Variants in ETNPPL observed in about 807,000 individuals in gnomAD.
ETNPPL encodes alanine--glyoxylate aminotransferase 2-like 1.
ETNPPL carries 30 observed loss-of-function variants against 55.5 expected under a neutral mutation model. The ratio of observed to expected loss-of-function variants is 0.54; its 90% confidence interval spans 0.40 to 0.73. The LOEUF is 0.73. Ranked by LOEUF, ETNPPL falls within the 30% of genes least tolerant of loss-of-function variation. The pLI, the probability that ETNPPL is intolerant of heterozygous loss-of-function variation, is 0.00. For synonymous variants in ETNPPL, 202 were observed against 207.2 expected (o/e 0.98, Z 0.21); for missense variants, 528 against 607.9 (o/e 0.87, Z 1.38).
rs780635050 is a variant in ETNPPL at position 108,742,417 on chromosome 4, C to T, written c.*67G>A. On this transcript the variant is annotated 3_prime_UTR_variant, in exon 13 of 13. Coordinates refer to ENST00000296486, the MANE Select transcript of ETNPPL (RefSeq NM_031279.4). ...TTAGAGGTATAATAGAGCTATTAAC[C>T]GATGAGACACATCTACTCATTCTCT... The T allele has an allele frequency of 2.7e-5, 41 of 1,538,684 alleles. No individual in the cohort carries two copies. The highest frequency in any genetic ancestry group is 5.8e-5 in the South Asian group (5 of 86,806).
chr4:108,748,247 A>G (rs527441988), intron 8 of ETNPPL, 88 bp from the exon 9 acceptor site: 14 of 777,534 alleles, frequency 1.8e-5, no homozygotes, highest in East Asian at 1.4e-4. Context: ...TCATACATAC[A>G]TAAGTGAAGA....
intron 9 of ETNPPL, among the ~76,000 whole-genome samples, chr4:108,747,210 T>A (rs866078986): frequency 3.9e-4 from 2 of 5,110 alleles, no homozygotes; most frequent in African/African-American, 1.7e-3. Context: ...ATATATATAA[T>A]ATATATATAT....
At chr4:108,758,691 C>T (rs1729347829) in intron 3 of ETNPPL, among the ~76,000 whole-genome samples, 1 of 152,200 alleles carries the variant, frequency 6.6e-6, no homozygotes, top group Non-Finnish European at 1.5e-5. Flanking sequence ...GCCCCAGGGT[C>T]CCCACGCTGA....
chr4:108,760,433 G>T, intron 1 of ETNPPL, 127 bp from the exon 2 acceptor site: 1 of 516,058 alleles, frequency 1.9e-6, no homozygotes, highest in East Asian at 2.7e-5. Context: ...CAACCTGGAT[G>T]ACATACATTT....
At chr4:108,748,676 AAATTT>A (rs1728739974) in intron 8 of ETNPPL, among the ~76,000 whole-genome samples, 1 of 152,224 alleles carries the variant, frequency 6.6e-6, no homozygotes, top group Non-Finnish European at 1.5e-5. Context: ...CCAAAGATAA[AAATTT>A]AGTATCTCTT....
rs79050833 is a variant in ETNPPL at position 108,753,809 on chromosome 4, G to GAAA, written c.502-799_502-798insTTT. 1.3e-3 allele frequency among the ~76,000 whole-genome samples: 90 copies of GAAA among 68,688 alleles called. 1 individual carries two copies. Among genetic ancestry groups the GAAA allele is most frequent in the African/African-American group, 2.6e-3 (53 of 20,150 alleles). 45.1% of individuals were successfully genotyped at this position (68,688 alleles called of 152,430 possible). ...GAAAGAAAGAAAGAAAGAAAGAAAA[G>GAAA]AGAAGAAAAGAAAAGAAAAAAAGAA... is the stretch of plus-strand genomic sequence containing the variant. On this transcript the variant is annotated intron_variant, in intron 5 of 12. Transcript: ENST00000296486.
intron 6 of ETNPPL, among the ~76,000 whole-genome samples, chr4:108,751,971 A>G (rs1423229953): frequency 6.6e-6 from 1 of 152,212 alleles, no homozygotes; most frequent in Non-Finnish European, 1.5e-5. Flanking sequence ...TTTTTCCTAA[A>G]AGTGTTGTTT....
At position 108,759,925 on chromosome 4, in the gene ETNPPL, A is replaced by G. The variant is rs374552951; in HGVS notation, c.176-17T>C. Reference sequence around the variant, plus strand: ...AGTGTCCCACTAAAATTTATGAAACAAAAGCCCAAGAAATAAGTTAGAATT... The same window carrying G: ...AGTGTCCCACTAAAATTTATGAAACGAAAGCCCAAGAAATAAGTTAGAATT... On this transcript the variant is annotated splice_polypyrimidine_tract_variant and intron_variant, in intron 2 of 12. Coordinates refer to ENST00000296486, the MANE Select transcript of ETNPPL (RefSeq NM_031279.4). 1.7e-5 allele frequency: 27 copies of G among 1,610,772 alleles called. No homozygotes were observed. In the African/African-American group the frequency reaches 3.3e-4, roughly 20 times the overall value.
chr4:108,748,173 A>G lies in ETNPPL; in HGVS notation c.928-14T>C. 1 of 1,550,438 alleles carries G rather than the reference A, an allele frequency of 6.4e-7. No homozygotes were observed. Reference sequence around the variant, plus strand: ...ATTTCCTCCATACTGTAAAAAAAAAAAAGACAAATGAGAAAATATACCAGT... The same window carrying G: ...ATTTCCTCCATACTGTAAAAAAAAAGAAGACAAATGAGAAAATATACCAGT... On this transcript the variant is annotated splice_polypyrimidine_tract_variant and intron_variant, in intron 8 of 12. Transcript: ENST00000296486.
chr4:108,748,437 G>A (rs1311849191), intron 8 of ETNPPL, among the ~76,000 whole-genome samples: 1 of 152,142 alleles, frequency 6.6e-6, no homozygotes, highest in Non-Finnish European at 1.5e-5. Flanking sequence ...CAGACATTAT[G>A]TTGGGAGTTC....
intron 8 of ETNPPL, among the ~76,000 whole-genome samples, chr4:108,748,665 C>T (rs903117540): frequency 2.0e-5 from 3 of 151,954 alleles, no homozygotes; most frequent in Admixed American, 2.0e-4. Flanking sequence ...AATATAATAT[C>T]CCAAAGATAA....
Position 108,746,486 on chromosome 4 carries a change from T to G in ETNPPL, c.1216A>C (p.Arg406=). Residue 406 remains arginine (R), a synonymous_variant, in exon 11 of 13, where the codon AGA becomes CGA. Coordinates refer to ENST00000296486, the MANE Select transcript of ETNPPL (RefSeq NM_031279.4). ...GGTGGTTTTATTTTAAGTACATTTCTATGAGGTCCATCGGCACTGAGAAGC... is the reference window on the plus strand; with the variant it reads ...GGTGGTTTTATTTTAAGTACATTTCGATGAGGTCCATCGGCACTGAGAAGC... The part of the protein sequence containing the change: ...RVLLSADGPH[R]NVLKIKPPMC... 1 of 1,613,628 alleles carries G rather than the reference T, an allele frequency of 6.2e-7. No individual in the cohort carries two copies. The highest frequency in any genetic ancestry group is 8.5e-7 in the Non-Finnish European group (1 of 1,179,948).
At chr4:108,746,010 ATTTT>A (rs977922406) in intron 11 of ETNPPL, among the ~76,000 whole-genome samples, 1 of 151,994 alleles carries the variant, frequency 6.6e-6, no homozygotes, top group African/African-American at 2.4e-5. Context: ...AGCCTATATA[ATTTT>A]TTTATTAGAA....
At chr4:108,750,100 G>A (rs1728825065) in intron 7 of ETNPPL, among the ~76,000 whole-genome samples, 1 of 152,126 alleles carries the variant, frequency 6.6e-6, no homozygotes, top group South Asian at 2.1e-4. Context: ...TTACTAATTG[G>A]GAAGGCTTGT....
Position 108,752,086 on chromosome 4 carries a change from A to C in ETNPPL, c.618+809T>G, listed in dbSNP as rs547132025. 2.6e-5 allele frequency among the ~76,000 whole-genome samples: 4 copies of C among 152,346 alleles called. No homozygotes were observed. In the South Asian group the frequency reaches 8.3e-4, roughly 32 times the overall value. On this transcript the variant is annotated intron_variant, in intron 6 of 12. Transcript: ENST00000296486. ...TACCTGCACAGATGTTTCACATAAG[A>C]AGATACGAAAAACAAATGGGTTGGG...
intron 8 of ETNPPL, 76 bp downstream of exon 8, chr4:108,749,162 T>C (rs1728769566): frequency 4.2e-6 from 5 of 1,190,900 alleles, no homozygotes; most frequent in Non-Finnish European, 6.1e-6. Context: ...GCTTTATTCT[T>C]TACTACATTG....
intron 3 of ETNPPL, among the ~76,000 whole-genome samples, chr4:108,758,131 A>G (rs1034009871): frequency 6.6e-6 from 1 of 150,618 alleles, no homozygotes; most frequent in African/African-American, 2.4e-5. Context: ...AGCTGGGACT[A>G]CAGGCACACA....
At chr4:108,760,423 C>T in intron 1 of ETNPPL, 117 bp from the exon 2 acceptor site, 1 of 539,194 alleles carries the variant, frequency 1.9e-6, no homozygotes. Flanking sequence ...AGGGAAAACA[C>T]AACCTGGATG....
At chr4:108,749,055 A>T (rs1454555808) in intron 8 of ETNPPL, among the ~76,000 whole-genome samples, 183 bp downstream of exon 8, 1 of 152,100 alleles carries the variant, frequency 6.6e-6, no homozygotes, top group Non-Finnish European at 1.5e-5. Context: ...CAGAACTTAA[A>T]GTATAATTTT....
Sources: allele counts gnomAD v4.1 joint callset (sites outside exome capture counted in the v4.1 genomes callset), GRCh38; gene constraint gnomAD v4.1.1; transcripts MANE v1.5; gene names NCBI Gene and HGNC (gene_info 2026-07-23, HGNC 2026-07-21).